CD33: variants seen among roughly 807,000 people sequenced by gnomAD.
The protein encoded by CD33 is CD33 molecule.
In CD33, 25 loss-of-function variants were observed where a neutral mutation model predicts 31.4. The observed-to-expected ratio is 0.80, with a 90% CI of 0.58 to 1.11. The LOEUF is 1.11. Among genes scored for constraint, CD33 ranks in the 50% most tolerant of loss-of-function variants. The pLI is 0.00. For missense variants in CD33, 407 were observed against 448.1 expected (o/e 0.91, Z 0.83); for synonymous variants, 176 against 180.6 (o/e 0.97, Z 0.20).
rs186064696 is a variant in CD33, at chr19:51,239,949, A to G, written c.*261A>G. On this transcript the variant is annotated 3_prime_UTR_variant, in exon 7 of 7. Transcript: ENST00000262262. ...GTCTCCATTTTCTTCTCTGTGAAGT[A>G]GGTATAAGAAGTCCTATCTCATAGG... The G allele has an allele frequency of 9.8e-6, 3 of 305,738 alleles. No homozygotes were observed. The highest frequency in any genetic ancestry group is 1.2e-4 in the East Asian group (2 of 16,184). The allele number at this position is 305,738 out of a possible 1,614,324, so 18.9% of individuals were successfully genotyped here.
Position 51,225,345 on chromosome 19 carries a change from A to G in CD33, c.165A>G (p.Pro55=), listed in dbSNP as rs1447600024. 2.5e-6 allele frequency: 4 copies of G among 1,614,052 alleles called. No individual in the cohort carries two copies. In the East Asian group the frequency reaches 8.9e-5, roughly 36 times the overall value. ...HPIPYYDKNS[P]VHGYWFREGA... ...TACCCTACTACGACAAGAACTCCCC[A>G]GTTCATGGTTACTGGTTCCGGGAAG... is the stretch of plus-strand genomic sequence containing the variant. Residue 55 remains proline (P), a synonymous_variant, in exon 2 of 7, where the codon CCA becomes CCG. Coordinates refer to ENST00000262262, the MANE Select transcript of CD33 (RefSeq NM_001772.4).
chr19:51,213,106 C>G, the CD33 span, among the ~76,000 whole-genome samples: 1 of 152,186 alleles, frequency 6.6e-6, no homozygotes, highest in Non-Finnish European at 1.5e-5. Context: ...AAATTTTTCT[C>G]AATCAAGAGT....
intron 4 of CD33, among the ~76,000 whole-genome samples, chr19:51,232,715 T>A (rs776875961): frequency 2.6e-5 from 4 of 152,250 alleles, no homozygotes; most frequent in Non-Finnish European, 5.9e-5. Flanking sequence ...TTATTTCATT[T>A]ATTGAGTTCT....
rs975729797 is a variant in CD33, at chr19:51,239,906, A to G, written c.*218A>G. ...TTTGCTAAGTGTATGATGTCACACAAGCTCCTTAACCTTCCATGTCTCCAT... is the reference window on the plus strand; with the variant it reads ...TTTGCTAAGTGTATGATGTCACACAGGCTCCTTAACCTTCCATGTCTCCAT... On this transcript the variant is annotated 3_prime_UTR_variant, in exon 7 of 7. Coordinates refer to ENST00000262262, the MANE Select transcript of CD33 (RefSeq NM_001772.4). 4 of 402,080 alleles carry G rather than the reference A, an allele frequency of 9.9e-6. No homozygotes were observed. Among genetic ancestry groups the G allele is most frequent in the Non-Finnish European group, 1.8e-5 (4 of 226,614 alleles). The allele number at this position is 402,080 out of a possible 1,614,324, so 24.9% of individuals were successfully genotyped here. A position where few individuals can be genotyped will look rare whatever the true frequency, so the allele number is the denominator to read the frequency against.
chr19:51,215,719 G>A, the CD33 span, among the ~76,000 whole-genome samples: 19 of 152,212 alleles, frequency 1.2e-4, no homozygotes, highest in South Asian at 3.9e-3. Context: ...CCAGCTTGTG[G>A]GTCTCCACCT....
At chr19:51,237,514 A>G (rs1453159588) in intron 6 of CD33, 1 of 152,262 alleles carries the variant, frequency 6.6e-6, no homozygotes. Context: ...ACACCTGCAG[A>G]AAGAAAGTGA....
the CD33 span, among the ~76,000 whole-genome samples, chr19:51,218,402 G>A: frequency 2.2e-4 from 33 of 152,180 alleles, no homozygotes; most frequent in Admixed American, 9.8e-4. Flanking sequence ...AGCTGCTTCA[G>A]TTTCTTGTAC....
the CD33 span, among the ~76,000 whole-genome samples, chr19:51,219,170 T>G: frequency 6.6e-6 from 1 of 152,218 alleles, no homozygotes. Context: ...GATGCTCCAT[T>G]TTTCCATTCA....
chr19:51,224,871 A>G (rs574181415), upstream of CD33, among the ~76,000 whole-genome samples: 285 of 152,230 alleles, frequency 1.9e-3, 1 homozygote, highest in Admixed American at 8.6e-3. Flanking sequence ...TGCTCCTGGA[A>G]GGCAAGACTC....
In CD33 at chr19:51,239,587, G is replaced by A. The variant is rs781541902; in HGVS notation, c.994G>A (p.Val332Met). 31 of 1,613,830 alleles carry A rather than the reference G, an allele frequency of 1.9e-5. No individual in the cohort carries two copies. Among genetic ancestry groups the A allele is most frequent in the Non-Finnish European group, 2.5e-5 (30 of 1,179,914 alleles). The stretch of plus-strand genomic sequence containing the variant: ...AAGCTGTTCAGGTGCCGCCCCTACT[G>A]TGGAGATGGATGAGGAGCTGCATTA... ...TSSCSGAAPT[V>M]EMDEELHYAS... The change falls in exon 7 of 7, where the codon GTG becomes ATG. Residue 332 changes from valine to methionine, a missense_variant. By Grantham distance (21) the Val-to-Met change is conservative. Coordinates refer to ENST00000262262, the MANE Select transcript of CD33 (RefSeq NM_001772.4).
At chr19:51,228,689 T>A (rs1981204368) in intron 4 of CD33, among the ~76,000 whole-genome samples, 1 of 152,114 alleles carries the variant, frequency 6.6e-6, no homozygotes, top group Non-Finnish European at 1.5e-5. Context: ...TTTTGTTTTG[T>A]TTTGTTTTGT....
the CD33 span, among the ~76,000 whole-genome samples, chr19:51,216,601 G>A: frequency 3.6e-4 from 55 of 151,970 alleles, no homozygotes; most frequent in African/African-American, 1.3e-3. Flanking sequence ...CCAGCTACTC[G>A]GGAAGCTGAG....
chr19:51,236,147 G>A, intron 6 of CD33: 1 of 382,366 alleles, frequency 2.6e-6, no homozygotes, highest in South Asian at 2.7e-5. Context: ...GACAGAGAGA[G>A]ACTCTGTCCC....
the CD33 span, among the ~76,000 whole-genome samples, chr19:51,214,519 T>C: frequency 2.6e-5 from 4 of 152,222 alleles, no homozygotes; most frequent in East Asian, 7.7e-4. Flanking sequence ...TTAAAAGATG[T>C]ATAGCCTAAT....
upstream of CD33, among the ~76,000 whole-genome samples, chr19:51,223,289 A>C (rs1265127859): frequency 6.6e-6 from 1 of 152,180 alleles, no homozygotes; most frequent in Admixed American, 6.5e-5. Context: ...AATAACTTAC[A>C]ACAGATATTA....
intron 6 of CD33, 145 bp downstream of exon 6, chr19:51,235,821 A>G (rs1341035230): frequency 2.6e-6 from 2 of 764,128 alleles, no homozygotes; most frequent in Non-Finnish European, 2.3e-6. Context: ...AATATTTTTC[A>G]GGTACGTTGA....
At chr19:51,233,249 T>G (rs1410326983) in intron 4 of CD33, among the ~76,000 whole-genome samples, 2 of 152,210 alleles carry the variant, frequency 1.3e-5, no homozygotes, top group East Asian at 3.9e-4. Context: ...ATCAACTCTT[T>G]GTTGGCTCAG....
chr19:51,239,325 C>A (rs533653364), intron 6 of CD33, 193 bp from the exon 7 acceptor site: 13 of 425,186 alleles, frequency 3.1e-5, no homozygotes, highest in African/African-American at 6.1e-5. Context: ...AAGAGAATTG[C>A]GAATCAATCA....
chr19:51,225,169 G>A lies in CD33; in HGVS notation c.37+14G>A, dbSNP rs1431756104. ...TGCTGTGGGCAGGTGAGTGGCTGTG[G>A]GGAGAGGGGTTGTCGGGCTGGGCCG... On this transcript the variant is annotated intron_variant, in intron 1 of 6. Coordinates refer to ENST00000262262, the MANE Select transcript of CD33 (RefSeq NM_001772.4). 21 of 1,613,964 alleles carry A rather than the reference G, an allele frequency of 1.3e-5. No individual in the cohort carries two copies. The highest frequency in any genetic ancestry group is 1.8e-5 in the Non-Finnish European group (21 of 1,179,926).
Sources: gnomAD v4.1 joint callset for allele counts (sites outside exome capture counted in the v4.1 genomes callset) on GRCh38, gnomAD v4.1.1 for gene constraint, MANE v1.5 for transcripts, NCBI Gene and HGNC (gene_info 2026-07-23, HGNC 2026-07-21) for gene names.